Variants in IL34 observed in about 807,000 individuals in gnomAD.
IL34 encodes the protein interleukin-34.
IL34 carries 17 observed loss-of-function variants against 25.3 expected under a neutral mutation model. The ratio of observed to expected loss-of-function variants is 0.67; its 90% CI spans 0.46 to 1.01. The LOEUF (loss-of-function observed/expected upper bound fraction) is 1.01. Among genes scored for constraint, IL34 ranks in the 50% least tolerant of loss-of-function variants. The pLI, the probability that IL34 is intolerant of heterozygous loss-of-function variation, is 0.00. For synonymous variants in IL34, 174 were observed against 140.9 expected (o/e 1.23, Z -1.66); for missense variants, 368 against 312.9 (o/e 1.18, Z -1.33).
chr16:70,631,985 C>A (rs943766809), intron 1 of IL34, among the ~76,000 whole-genome samples: 1 of 151,644 alleles, frequency 6.6e-6, no homozygotes, highest in Non-Finnish European at 1.5e-5. Context: ...CCTGTAATCC[C>A]AGCTACTTGG....
At position 70,633,665 on chromosome 16, in the gene IL34, T is replaced by C. The variant is rs917941470; in HGVS notation, c.-400-12883T>C. Among the ~76,000 whole-genome samples, 6 of 152,156 alleles carry C rather than the reference T, an allele frequency of 3.9e-5. No homozygotes were observed. The East Asian group carries it at 7.7e-4, about 20-fold the overall frequency. ...GGTGGCTTAAAGCAACAGAAATGTA[T>C]TCTGTCAAAGATCTGGAGGCTAGAA... is the stretch of plus-strand genomic sequence containing the variant. On this transcript the variant is annotated intron_variant, in intron 1 of 6. Coordinates refer to the IL34 transcript ENST00000429149.
At chr16:70,609,171 C>A (rs1393780090) in intron 1 of IL34, among the ~76,000 whole-genome samples, 1 of 152,092 alleles carries the variant, frequency 6.6e-6, no homozygotes, top group East Asian at 1.9e-4. Flanking sequence ...TCCGCCTCCC[C>A]GGTTCAAGCA....
chr16:70,652,220 C>T (rs2052099169), intron 1 of IL34, among the ~76,000 whole-genome samples: 1 of 152,072 alleles, frequency 6.6e-6, no homozygotes, highest in Non-Finnish European at 1.5e-5. Flanking sequence ...CTTTTGGAGG[C>T]CAAGGTGGGA....
intron 1 of IL34, among the ~76,000 whole-genome samples, chr16:70,617,832 G>A (rs1597749427): frequency 6.6e-6 from 1 of 152,006 alleles, no homozygotes. Flanking sequence ...ATAGAGGTGG[G>A]AAGGCTAAAC....
At chr16:70,582,009 T>G (rs2050640917) in intron 1 of IL34, among the ~76,000 whole-genome samples, 1 of 152,212 alleles carries the variant, frequency 6.6e-6, no homozygotes, top group Non-Finnish European at 1.5e-5. Context: ...TAGCATAAGG[T>G]CTGGTGCTTA....
intron 1 of IL34, among the ~76,000 whole-genome samples, chr16:70,619,595 G>GTTA (rs1223630165): frequency 1.3e-5 from 2 of 151,528 alleles, no homozygotes; most frequent in African/African-American, 4.9e-5. Flanking sequence ...TTGAAAAGAA[G>GTTA]GTAATGTGGA....
chr16:70,657,150 G>GGTGTGTGTGTGTGCACACGTGT, intron 4 of IL34, 29 bp downstream of exon 4: 1 of 1,605,330 alleles, frequency 6.2e-7, no homozygotes, highest in Non-Finnish European at 8.5e-7. Context: ...TGGCAGGTGG[G>GGTGTGTGTGTGTGCACACGTGT]GTGTGTGTGT....
intron 1 of IL34, among the ~76,000 whole-genome samples, chr16:70,603,555 G>A (rs142703382): frequency 1.3e-5 from 2 of 152,136 alleles, no homozygotes; most frequent in Non-Finnish European, 2.9e-5. Flanking sequence ...TAGGGTTACA[G>A]GTGTGAGTCA....
intron 1 of IL34, among the ~76,000 whole-genome samples, chr16:70,634,634 C>A (rs56205768): frequency 1.3e-5 from 2 of 150,488 alleles, no homozygotes; most frequent in African/African-American, 2.4e-5. Flanking sequence ...GAGCCGAGAT[C>A]GTGTCACTGA....
At chr16:70,657,521 C>T (rs778250711) in intron 4 of IL34, among the ~76,000 whole-genome samples, 12 of 152,052 alleles carry the variant, frequency 7.9e-5, no homozygotes, top group African/African-American at 2.2e-4. Context: ...AGGCCGGGCG[C>T]GGCGGCTCAT....
At chr16:70,621,903 G>A (rs138843371) in intron 1 of IL34, among the ~76,000 whole-genome samples, 7,000 of 151,914 alleles carry the variant, frequency 0.046, 418 homozygotes, top group African/African-American at 0.14. Context: ...GGCAAGGACC[G>A]GCCATTTACA....
At chr16:70,643,174 T>C (rs2051827631), upstream of IL34, among the ~76,000 whole-genome samples, 1 of 151,956 alleles carries the variant, frequency 6.6e-6, no homozygotes, top group Non-Finnish European at 1.5e-5. Context: ...GTGATTCTCC[T>C]GCCTCAGCCT....
intron 1 of IL34, among the ~76,000 whole-genome samples, chr16:70,650,291 A>G (rs2052046670): frequency 6.6e-6 from 1 of 152,156 alleles, no homozygotes; most frequent in African/African-American, 2.4e-5. Flanking sequence ...TGGAGGCAGC[A>G]AAAAAAGAAA....
chr16:70,587,841 C>T (rs964350066), intron 1 of IL34, among the ~76,000 whole-genome samples: 2 of 151,742 alleles, frequency 1.3e-5, no homozygotes, highest in Non-Finnish European at 1.5e-5. Flanking sequence ...GAGTTTGAGA[C>T]CAGCCTGGCA....
chr16:70,613,999 GC>G (rs2151829881), intron 1 of IL34, among the ~76,000 whole-genome samples: 1 of 151,962 alleles, frequency 6.6e-6, no homozygotes, highest in South Asian at 2.1e-4. Flanking sequence ...ACCAGCCTGG[GC>G]AATACAACAA....
Position 70,659,625 on chromosome 16 carries a change from A to G in IL34, c.410A>G (p.Glu137Gly). Residue 137 changes from glutamate (E) to glycine (G), a missense_variant, in exon 5 of 6, where the codon GAG becomes GGG. Coordinates refer to ENST00000288098, the MANE Select transcript of IL34 (RefSeq NM_001393494.1). ...LNVQQGLTDV[E>G]VSPKVESVLS... ...CTGTTTCCTCCTTTCCAGGATGTGGAGGTCAGCCCCAAGGTGGAATCCGTG... is the reference window on the plus strand; with the variant it reads ...CTGTTTCCTCCTTTCCAGGATGTGGGGGTCAGCCCCAAGGTGGAATCCGTG... 1 of 1,606,142 alleles carries G rather than the reference A, an allele frequency of 6.2e-7. No individual in the cohort carries two copies.
chr16:70,614,773 A>C (rs965342202), intron 1 of IL34, among the ~76,000 whole-genome samples: 1 of 152,248 alleles, frequency 6.6e-6, no homozygotes, highest in Non-Finnish European at 1.5e-5. Flanking sequence ...GAGCTGTTAC[A>C]GGTGATAAAA....
intron 1 of IL34, among the ~76,000 whole-genome samples, chr16:70,640,296 C>T (rs1292474695): frequency 2.6e-5 from 4 of 152,086 alleles, no homozygotes; most frequent in Non-Finnish European, 5.9e-5. Flanking sequence ...TGCACACCAC[C>T]ATGCCCGGCT....
At chr16:70,613,763 A>G (rs2051128973) in intron 1 of IL34, among the ~76,000 whole-genome samples, 1 of 151,992 alleles carries the variant, frequency 6.6e-6, no homozygotes. Context: ...AGTCCCAGCT[A>G]CTTGGGAAGC....
Sources: allele counts gnomAD v4.1 joint callset (sites outside exome capture counted in the v4.1 genomes callset), GRCh38; gene constraint gnomAD v4.1.1; transcripts MANE v1.5; gene names NCBI Gene and HGNC (gene_info 2026-07-23, HGNC 2026-07-21).